The following OR51E1 variants were observed in gnomAD, a reference collection of about 807,000 sequenced individuals.
OR51E1 encodes olfactory receptor family 51 subfamily E member 1, also known as olfactory receptor 51E1.
In OR51E1, 9 loss-of-function variants were observed where a neutral mutation model predicts 11.5. The ratio of observed to expected loss-of-function variants is 0.78; its 90% CI spans 0.47 to 1.37. The LOEUF is 1.37. OR51E1 is among the 40% of genes most tolerant of loss of function. The pLI is 0.00. For missense variants in OR51E1, 397 were observed against 410.2 expected (o/e 0.97, Z 0.28); for synonymous variants, 168 against 158.3 (o/e 1.06, Z -0.46).
rs1431298367 is a variant in OR51E1, at chr11:4,652,945, C to T, written c.419C>T (p.Thr140Met). The T allele has an allele frequency of 8.1e-6, 13 of 1,606,940 alleles. No homozygotes were observed. Among genetic ancestry groups the T allele is most frequent in the Admixed American group, 1.7e-5 (1 of 59,760 alleles). The change falls in exon 2 of 2, where the codon ACG becomes ATG. Residue 140 changes from threonine (T) to methionine (M), a missense_variant. Physicochemically the swap from Thr to Met is moderately conservative, Grantham distance 81. Coordinates refer to ENST00000396952, the MANE Select transcript of OR51E1 (RefSeq NM_152430.4). ...CHPLRHATVL[T>M]LPRVTKIGVA... is the part of the protein sequence containing the mutation. ...CCACTGCGCCATGCCACAGTACTTA[C>T]GTTGCCTCGTGTCACCAAAATTGGT...
chr11:4,646,266 CA>C (rs1485230899), intron 1 of OR51E1, among the ~76,000 whole-genome samples: 2 of 152,212 alleles, frequency 1.3e-5, no homozygotes, highest in East Asian at 1.9e-4. Flanking sequence ...GTGACACTGA[CA>C]ATGAATCTCC....
chr11:4,647,709 T>C (rs2133224478), intron 1 of OR51E1, among the ~76,000 whole-genome samples: 1 of 152,300 alleles, frequency 6.6e-6, no homozygotes, highest in African/African-American at 2.4e-5. Flanking sequence ...CCCCTATTCC[T>C]GAGAAAAGGT....
intron 1 of OR51E1, among the ~76,000 whole-genome samples, chr11:4,644,877 C>G (rs906817809): frequency 1.3e-5 from 2 of 152,216 alleles, no homozygotes; most frequent in Non-Finnish European, 2.9e-5. Context: ...CTCATCTTCT[C>G]AAACTCTGTT....
At position 4,653,235 on chromosome 11, in the gene OR51E1, G is replaced by A. The variant is rs1847126613; in HGVS notation, c.709G>A (p.Ala237Thr). Residue 237 changes from alanine (A) to threonine (T), a missense_variant, in exon 2 of 2, where the codon GCC (alanine) becomes ACC (threonine). Physicochemically the swap from Ala to Thr is moderately conservative, Grantham distance 58. Transcript: ENST00000396952. ...TVLGLTREAQ[A>T]KAFGTCVSHV... is the part of the protein sequence containing the mutation. The stretch of plus-strand genomic sequence containing the variant: ...GTTGGGCTTGACACGTGAAGCCCAG[G>A]CCAAGGCATTTGGCACTTGCGTCTC... The A allele has an allele frequency of 1.9e-6, 3 of 1,613,982 alleles. No homozygotes were observed. The highest frequency in any genetic ancestry group is 2.5e-6 in the Non-Finnish European group (3 of 1,179,872).
Position 4,654,388 on chromosome 11 carries a change from T to C in OR51E1, c.*905T>C, listed in dbSNP as rs1251733093. On this transcript the variant is annotated 3_prime_UTR_variant, in exon 2 of 2. Coordinates refer to ENST00000396952, the MANE Select transcript of OR51E1 (RefSeq NM_152430.4). Reference sequence around the variant, plus strand: ...TTTAGGAATTTCCTGGCAACAGAACTCATGGCTTTAATCCCACTAGCTATT... The same window carrying C: ...TTTAGGAATTTCCTGGCAACAGAACCCATGGCTTTAATCCCACTAGCTATT... 1 of 167,128 alleles carries C rather than the reference T, an allele frequency of 6.0e-6. No individual in the cohort carries two copies. Among genetic ancestry groups the C allele is most frequent in the African/African-American group, 2.4e-5 (1 of 41,464 alleles). The allele number at this position is 167,128 out of a possible 1,614,324, so 10.4% of individuals were successfully genotyped here.
Position 4,652,782 on chromosome 11 carries a change from G to A in OR51E1, c.256G>A (p.Ala86Thr). ...ISTSSMPKMLAIFWFNSTTIQ... is the reference protein window; with the variant it reads ...ISTSSMPKMLTIFWFNSTTIQ... ...CACCTCATCCATGCCCAAAATGCTG[G>A]CCATCTTCTGGTTCAATTCCACTAC... The change falls in exon 2 of 2, where the codon GCC (alanine) becomes ACC (threonine). Residue 86 changes from alanine (A) to threonine (T), a missense_variant. Transcript: ENST00000396952. The A allele has an allele frequency of 6.2e-7, 1 of 1,614,088 alleles. No individual in the cohort carries two copies. Among genetic ancestry groups the A allele is most frequent in the Non-Finnish European group, 8.5e-7 (1 of 1,180,004 alleles).
intron 1 of OR51E1, among the ~76,000 whole-genome samples, chr11:4,646,092 C>T (rs1275550839): frequency 6.6e-6 from 1 of 152,204 alleles, no homozygotes; most frequent in African/African-American, 2.4e-5. Context: ...TGAGGTCTGC[C>T]TTCCCTCTCT....
In OR51E1 at chr11:4,655,421, C is replaced by T. The variant is rs1051728516; in HGVS notation, c.*1938C>T. On this transcript the variant is annotated 3_prime_UTR_variant, in exon 2 of 2. Coordinates refer to ENST00000396952, the MANE Select transcript of OR51E1 (RefSeq NM_152430.4). ...CCAAACCTCTGTCATTTGCAACTCC[C>T]ACTTGTATTTGTACGAGGCAGTTGG... The T allele has an allele frequency of 6.0e-6, 1 of 166,918 alleles. No homozygotes were observed. The highest frequency in any genetic ancestry group is 1.5e-5 in the Non-Finnish European group (1 of 68,114). The allele number at this position is 166,918 out of a possible 1,614,324, so 10.3% of individuals were successfully genotyped here.
intron 1 of OR51E1, among the ~76,000 whole-genome samples, chr11:4,649,671 A>G (rs1347463879): frequency 6.6e-6 from 1 of 152,174 alleles, no homozygotes; most frequent in Non-Finnish European, 1.5e-5. Flanking sequence ...GTGGATGAGG[A>G]AGGTTACCCT....
Position 4,652,513 on chromosome 11 carries a change from AG to A in OR51E1, c.-13del. The A allele has an allele frequency of 6.4e-7, 1 of 1,570,862 alleles. No homozygotes were observed. The highest frequency in any genetic ancestry group is 8.7e-7 in the Non-Finnish European group (1 of 1,143,104). On this transcript the variant is annotated 5_prime_UTR_variant, in exon 2 of 2. Coordinates refer to ENST00000396952, the MANE Select transcript of OR51E1 (RefSeq NM_152430.4). ...CCTCTACCTGCCTGGTGCTGGTCAC[AG>A]TTCAGCTTCTTCATGATGGTGGATC...
chr11:4,649,286 G>T (rs1847065577), intron 1 of OR51E1, among the ~76,000 whole-genome samples: 2 of 152,128 alleles, frequency 1.3e-5, no homozygotes, highest in Admixed American at 1.3e-4. Context: ...GGTAAAAAAG[G>T]CTTAGGAAAA....
intron 1 of OR51E1, among the ~76,000 whole-genome samples, chr11:4,651,797 A>G (rs1177989706): frequency 1.3e-5 from 2 of 152,226 alleles, no homozygotes; most frequent in African/African-American, 4.8e-5. Context: ...TTGGACAAGA[A>G]GGTAATGTAG....
rs767599730 is a variant in OR51E1 at position 4,652,953 on chromosome 11, C to T, written c.427C>T (p.Arg143Cys). 11 of 1,606,026 alleles carry T rather than the reference C, an allele frequency of 6.8e-6. No homozygotes were observed. Among genetic ancestry groups the T allele is most frequent in the East Asian group, 4.5e-5 (2 of 44,794 alleles). ...LRHATVLTLP[R>C]VTKIGVAAVV... Reference sequence around the variant, plus strand: ...CCATGCCACAGTACTTACGTTGCCTCGTGTCACCAAAATTGGTGTGGCTGC... The same window carrying T: ...CCATGCCACAGTACTTACGTTGCCTTGTGTCACCAAAATTGGTGTGGCTGC... The change falls in exon 2 of 2, where the codon CGT (arginine) becomes TGT (cysteine). Residue 143 changes from arginine (R) to cysteine (C), a missense_variant. Coordinates refer to ENST00000396952, the MANE Select transcript of OR51E1 (RefSeq NM_152430.4).
Position 4,653,028 on chromosome 11 carries a change from C to T in OR51E1, c.502C>T (p.Gln168Ter), listed in dbSNP as rs756839964. ...GGCACCCCTTCCTGTCTTCATCAAG[C>T]AGCTGCCCTTCTGCCGCTCCAATAT... ...LMAPLPVFIK[Q>*]LPFCRSNILS... The change falls in exon 2 of 2, where the codon CAG (glutamine) becomes TAG (stop). Residue 168 changes from glutamine to a stop codon, truncating the protein, a stop_gained. Coordinates refer to ENST00000396952, the MANE Select transcript of OR51E1 (RefSeq NM_152430.4). LOFTEE classifies it high-confidence loss of function. 6 of 1,609,832 alleles carry T rather than the reference C, an allele frequency of 3.7e-6. No homozygotes were observed. The highest frequency in any genetic ancestry group is 5.1e-6 in the Non-Finnish European group (6 of 1,177,524).
Position 4,653,240 on chromosome 11 carries a change from G to C in OR51E1, c.714G>C (p.Lys238Asn), listed in dbSNP as rs1847126713. The change falls in exon 2 of 2, where the codon AAG (lysine) becomes AAC (asparagine). Residue 238 changes from lysine (K) to asparagine (N), a missense_variant. Coordinates refer to ENST00000396952, the MANE Select transcript of OR51E1 (RefSeq NM_152430.4). ...GCTTGACACGTGAAGCCCAGGCCAA[G>C]GCATTTGGCACTTGCGTCTCTCATG... ...VLGLTREAQAKAFGTCVSHVC... is the reference protein window; with the variant it reads ...VLGLTREAQANAFGTCVSHVC... The C allele has an allele frequency of 6.2e-7, 1 of 1,613,838 alleles. No homozygotes were observed. Among genetic ancestry groups the C allele is most frequent in the Non-Finnish European group, 8.5e-7 (1 of 1,179,720 alleles).
rs756784894 is a variant in OR51E1, at chr11:4,652,949, G to T, written c.423G>T (p.Leu141Phe). 3 of 1,606,678 alleles carry T rather than the reference G, an allele frequency of 1.9e-6. No individual in the cohort carries two copies. The highest frequency in any genetic ancestry group is 3.3e-5 in the Admixed American group (2 of 59,754). Residue 141 changes from leucine to phenylalanine, a missense_variant, in exon 2 of 2, where the codon TTG (leucine) becomes TTT (phenylalanine). Coordinates refer to ENST00000396952, the MANE Select transcript of OR51E1 (RefSeq NM_152430.4). The stretch of plus-strand genomic sequence containing the variant: ...TGCGCCATGCCACAGTACTTACGTT[G>T]CCTCGTGTCACCAAAATTGGTGTGG... ...HPLRHATVLT[L>F]PRVTKIGVAA...
chr11:4,648,565 A>G (rs915229720), intron 1 of OR51E1, among the ~76,000 whole-genome samples: 1 of 152,162 alleles, frequency 6.6e-6, no homozygotes, highest in Non-Finnish European at 1.5e-5. Context: ...TGCTCACCAC[A>G]TCACTCTACC....
chr11:4,646,838 C>G (rs1847036623), intron 1 of OR51E1, among the ~76,000 whole-genome samples: 1 of 152,094 alleles, frequency 6.6e-6, no homozygotes, highest in Non-Finnish European at 1.5e-5. Context: ...TTAAAGGCAG[C>G]CTAGAATGAG....
intron 1 of OR51E1, among the ~76,000 whole-genome samples, chr11:4,650,623 C>T (rs186527553): frequency 6.6e-6 from 1 of 152,192 alleles, no homozygotes; most frequent in African/African-American, 2.4e-5. Flanking sequence ...TGTGACACAC[C>T]CTGAGCCCAT....
Sources: allele counts gnomAD v4.1 joint callset (sites outside exome capture counted in the v4.1 genomes callset), GRCh38; gene constraint gnomAD v4.1.1; transcripts MANE v1.5; gene names NCBI Gene and HGNC (gene_info 2026-07-23, HGNC 2026-07-21).